UBXN7: variants seen among roughly 807,000 people sequenced by gnomAD.
UBXN7 encodes the protein UBX domain-containing protein 7.
In UBXN7, 9 loss-of-function variants were observed where a neutral mutation model predicts 58.0. The observed-to-expected ratio is 0.16, with a 90% confidence interval of 0.09 to 0.27. UBXN7 has a LOEUF of 0.27. Ranked by LOEUF, UBXN7 falls within the 10% of genes least tolerant of loss-of-function variation. The pLI, the probability that UBXN7 is intolerant of heterozygous loss-of-function variation, is 1.00. For missense variants in UBXN7, 328 were observed against 599.6 expected (o/e 0.55, Z 4.73); for synonymous variants, 208 against 205.0 (o/e 1.01, Z -0.12).
intron 9 of UBXN7, 115 bp from the exon 10 acceptor site, chr3:196,362,038 T>G: frequency 1.8e-6 from 2 of 1,131,608 alleles, no homozygotes; most frequent in East Asian, 2.6e-5. Flanking sequence ...TCAAGTGTTT[T>G]GCTGGAGTGC....
At chr3:196,398,427 C>G (rs918346730) in intron 3 of UBXN7, among the ~76,000 whole-genome samples, 2 of 152,178 alleles carry the variant, frequency 1.3e-5, no homozygotes, top group Non-Finnish European at 2.9e-5. Context: ...TTTGTAGTAT[C>G]ATGCATTGGT....
intron 3 of UBXN7, among the ~76,000 whole-genome samples, chr3:196,395,044 T>C (rs560770570): frequency 6.6e-6 from 1 of 152,322 alleles, no homozygotes; most frequent in South Asian, 2.1e-4. Context: ...ATCATTTATG[T>C]ACATTACAAT....
intron 5 of UBXN7, among the ~76,000 whole-genome samples, chr3:196,388,117 A>T (rs1729466533): frequency 6.6e-6 from 1 of 152,074 alleles, no homozygotes; most frequent in South Asian, 2.1e-4. Context: ...GCAGCCATAA[A>T]AAAGGATGAG....
At chr3:196,422,463 G>C (rs1730719045) in intron 1 of UBXN7, among the ~76,000 whole-genome samples, 1 of 150,364 alleles carries the variant, frequency 6.7e-6, no homozygotes, top group Non-Finnish European at 1.5e-5. Context: ...AGGGGCAAGA[G>C]AATGAGATCT....
At chr3:196,401,767 TTAAA>T (rs1729992759) in intron 3 of UBXN7, among the ~76,000 whole-genome samples, 2 of 82,040 alleles carry the variant, frequency 2.4e-5, no homozygotes, top group African/African-American at 4.1e-5. Flanking sequence ...CATCTCTATT[TTAAA>T]AAAAAAAAAA....
chr3:196,399,156 T>C (rs1729876342), intron 3 of UBXN7, among the ~76,000 whole-genome samples: 1 of 152,218 alleles, frequency 6.6e-6, no homozygotes, highest in African/African-American at 2.4e-5. Context: ...AAGGTAATCA[T>C]AGTACTTCAT....
intron 5 of UBXN7, 21 bp from the exon 6 acceptor site, chr3:196,372,063 A>G (rs767564266): frequency 1.1e-5 from 18 of 1,567,614 alleles, no homozygotes; most frequent in Non-Finnish European, 1.5e-5. Flanking sequence ...AAAGTTACAC[A>G]TTTGTTAGAA....
intron 1 of UBXN7, among the ~76,000 whole-genome samples, chr3:196,412,783 C>G (rs1484731814): frequency 6.6e-6 from 1 of 152,112 alleles, no homozygotes; most frequent in East Asian, 1.9e-4. Flanking sequence ...ACCTTGAGGA[C>G]ATTATGCTAA....
rs573963945 is a variant in UBXN7 at position 196,355,607 on chromosome 3, T to G, written c.*1078A>C. 9.2e-5 allele frequency: 14 copies of G among 152,356 alleles called. No homozygotes were observed. The highest frequency in any genetic ancestry group is 3.3e-4 in the Admixed American group (5 of 15,300). The allele number at this position is 152,356 out of a possible 1,614,324, so 9.4% of individuals were successfully genotyped here. On this transcript the variant is annotated 3_prime_UTR_variant, in exon 11 of 11. Coordinates refer to ENST00000296328, the MANE Select transcript of UBXN7 (RefSeq NM_015562.2). Reference sequence around the variant, plus strand: ...GTTCAATTCAGTCACCAGAGCCTTTTAGAGACTATTCCAACCAGGGGCAAA... The same window carrying G: ...GTTCAATTCAGTCACCAGAGCCTTTGAGAGACTATTCCAACCAGGGGCAAA...
intron 1 of UBXN7, among the ~76,000 whole-genome samples, chr3:196,427,765 T>C (rs1730896312): frequency 6.6e-6 from 1 of 152,216 alleles, no homozygotes; most frequent in Non-Finnish European, 1.5e-5. Flanking sequence ...AACAGTAGTA[T>C]TGTAAAATGT....
intron 3 of UBXN7, chr3:196,399,930 G>A (rs1413397879): frequency 6.6e-6 from 1 of 152,222 alleles, no homozygotes; most frequent in Admixed American, 6.6e-5. Flanking sequence ...AATGGTGCAT[G>A]CCTATAATCC....
intron 3 of UBXN7, among the ~76,000 whole-genome samples, chr3:196,401,654 C>G (rs1247877645): frequency 6.8e-6 from 1 of 147,668 alleles, no homozygotes; most frequent in Non-Finnish European, 1.5e-5. Flanking sequence ...ATAAGCCAGG[C>G]GTGGTGGCTC....
chr3:196,431,873 G>T (rs763786201), intron 1 of UBXN7: 4 of 364,688 alleles, frequency 1.1e-5, no homozygotes, highest in Admixed American at 7.1e-5. Flanking sequence ...GCAGGCCGGG[G>T]ACCGGGGCAG....
At chr3:196,382,692 G>A (rs1729242922) in intron 5 of UBXN7, among the ~76,000 whole-genome samples, 4 of 152,180 alleles carry the variant, frequency 2.6e-5, no homozygotes, top group Admixed American at 2.6e-4. Context: ...ACACAGACTG[G>A]CAAATTGGAT....
chr3:196,384,811 A>G (rs879545559), intron 5 of UBXN7, among the ~76,000 whole-genome samples: 4 of 151,790 alleles, frequency 2.6e-5, no homozygotes, highest in Non-Finnish European at 5.9e-5. Context: ...CAAAATAATA[A>G]GAGATATTTA....
intron 5 of UBXN7, among the ~76,000 whole-genome samples, chr3:196,374,484 TACTA>T (rs1406770324): frequency 6.6e-6 from 1 of 152,100 alleles, no homozygotes; most frequent in Non-Finnish European, 1.5e-5. Context: ...TTGGAAATGA[TACTA>T]ACCACATTGA....
chr3:196,403,182 G>C (rs1730047077), intron 2 of UBXN7, among the ~76,000 whole-genome samples, 163 bp from the exon 3 acceptor site: 1 of 152,148 alleles, frequency 6.6e-6, no homozygotes, highest in Non-Finnish European at 1.5e-5. Flanking sequence ...GGTGGAGACA[G>C]TGTCTCACTC....
chr3:196,377,455 T>C (rs539412855), intron 5 of UBXN7, among the ~76,000 whole-genome samples: 57 of 152,290 alleles, frequency 3.7e-4, no homozygotes, highest in African/African-American at 1.3e-3. Flanking sequence ...TACAGTCCTT[T>C]CTCTTCACAA....
chr3:196,424,700 A>C, intron 1 of UBXN7, among the ~76,000 whole-genome samples: 2 of 108,458 alleles, frequency 1.8e-5, no homozygotes, highest in Non-Finnish European at 1.9e-5. Context: ...CCATTTTTAT[A>C]ACCTTTTTTT....
Sources: allele counts gnomAD v4.1 joint callset (sites outside exome capture counted in the v4.1 genomes callset), GRCh38; gene constraint gnomAD v4.1.1; transcripts MANE v1.5; gene names NCBI Gene and HGNC (gene_info 2026-07-23, HGNC 2026-07-21).